The following TLL1 variants were observed in gnomAD, a reference collection of about 807,000 sequenced individuals.
TLL1 encodes tolloid like 1.
In TLL1, 49 loss-of-function variants were observed where a neutral mutation model predicts 128.2. The observed-to-expected ratio is 0.38, with a 90% CI of 0.30 to 0.48. TLL1 has a LOEUF of 0.48. Ranked by LOEUF, TLL1 falls within the 20% of genes least tolerant of loss-of-function variation. The pLI, the probability that TLL1 is intolerant of heterozygous loss-of-function variation, is 0.96. For synonymous variants in TLL1, 454 were observed against 418.8 expected, an observed-to-expected ratio of 1.08 and a Z score of -1.03; for missense variants, 1,123 against 1,242.0, an observed-to-expected ratio of 0.90 and a Z score of 1.44.
chr4:166,041,618 A>T (rs533936750), intron 10 of TLL1, among the ~76,000 whole-genome samples: 1 of 152,142 alleles, frequency 6.6e-6, no homozygotes, highest in African/African-American at 2.4e-5. Context: ...TTCTTAACCA[A>T]GTCATTTCCC....
intron 8 of TLL1, among the ~76,000 whole-genome samples, chr4:166,016,482 C>T (rs1184219863): frequency 6.6e-6 from 1 of 151,918 alleles, no homozygotes. Context: ...AAAAACTAAC[C>T]TTATGATATT....
At chr4:165,923,144 C>G (rs1733110453) in intron 1 of TLL1, among the ~76,000 whole-genome samples, 1 of 152,060 alleles carries the variant, frequency 6.6e-6, no homozygotes, top group Admixed American at 6.6e-5. Flanking sequence ...CATAAATAAA[C>G]AGTACAATCA....
chr4:165,936,016 TA>T (rs1733742570), intron 1 of TLL1, among the ~76,000 whole-genome samples: 1 of 151,764 alleles, frequency 6.6e-6, no homozygotes, highest in African/African-American at 2.4e-5. Flanking sequence ...TGTCTGGTTT[TA>T]ACTTTTTTTT....
intron 18 of TLL1, among the ~76,000 whole-genome samples, chr4:166,089,239 A>G (rs191109204): frequency 9.1e-4 from 139 of 152,272 alleles, no homozygotes; most frequent in African/African-American, 3.2e-3. Flanking sequence ...AAAGAACTCT[A>G]GGTGCGGTTA....
chr4:166,068,829 G>A (rs1740689325), intron 16 of TLL1, among the ~76,000 whole-genome samples: 1 of 151,804 alleles, frequency 6.6e-6, no homozygotes, highest in Admixed American at 6.6e-5. Context: ...AGATGGTTCA[G>A]CGATTCCACA....
intron 1 of TLL1, among the ~76,000 whole-genome samples, chr4:165,953,547 G>A (rs1734630218): frequency 7.2e-6 from 1 of 139,606 alleles, no homozygotes; most frequent in Non-Finnish European, 1.5e-5. Context: ...TAACTGCAGT[G>A]GTATTTCTTT....
chr4:166,042,231 C>T, intron 11 of TLL1, 88 bp downstream of exon 11: 2 of 870,182 alleles, frequency 2.3e-6, no homozygotes, highest in Non-Finnish European at 1.9e-6. Flanking sequence ...GACATTGTGA[C>T]CATATTGTAA....
intron 18 of TLL1, among the ~76,000 whole-genome samples, chr4:166,086,269 C>T (rs1313151479): frequency 1.3e-5 from 2 of 151,962 alleles, no homozygotes; most frequent in Non-Finnish European, 2.9e-5. Context: ...TTTATCGAGA[C>T]TTAGGCATTA....
chr4:165,890,517 A>G (rs1477743492), intron 1 of TLL1, among the ~76,000 whole-genome samples: 1 of 152,232 alleles, frequency 6.6e-6, no homozygotes, highest in African/African-American at 2.4e-5. Flanking sequence ...AATGGGAGAA[A>G]TTAGCCAAAA....
intron 5 of TLL1, among the ~76,000 whole-genome samples, chr4:165,995,955 T>C (rs137894671): frequency 0.011 from 1,609 of 152,246 alleles, 27 homozygotes; most frequent in African/African-American, 0.036. Context: ...AATTTATATT[T>C]ATATAAATTA....
chr4:165,949,558 G>C (rs1478661655), intron 1 of TLL1, among the ~76,000 whole-genome samples: 1 of 152,126 alleles, frequency 6.6e-6, no homozygotes, highest in Admixed American at 6.6e-5. Context: ...ACATACCCGA[G>C]ACTGAGCAAT....
intron 13 of TLL1, among the ~76,000 whole-genome samples, chr4:166,056,292 T>A (rs1400194732): frequency 6.6e-6 from 1 of 152,050 alleles, no homozygotes; most frequent in Non-Finnish European, 1.5e-5. Context: ...GCATAATTTC[T>A]TCAGAGGATG....
intron 1 of TLL1, 122 bp downstream of exon 1, chr4:165,874,195 C>T: frequency 1.7e-6 from 2 of 1,194,630 alleles, no homozygotes; most frequent in Non-Finnish European, 2.5e-6. Context: ...CGCCGCCCCT[C>T]CTTCTCTCCC....
intron 15 of TLL1, among the ~76,000 whole-genome samples, chr4:166,061,008 A>T (rs1283087098): frequency 6.6e-6 from 1 of 152,156 alleles, no homozygotes; most frequent in Admixed American, 6.6e-5. Flanking sequence ...TTAAATGAAC[A>T]TGATTTTTAT....
intron 1 of TLL1, among the ~76,000 whole-genome samples, chr4:165,946,337 T>C (rs28799898): frequency 6.6e-6 from 1 of 151,116 alleles, no homozygotes; most frequent in Non-Finnish European, 1.5e-5. Flanking sequence ...ACTAAATTTG[T>C]CATTCCTTTT....
Position 165,894,015 on chromosome 4 carries a change from A to G in TLL1, c.169+19942A>G, listed in dbSNP as rs545867335. Among the ~76,000 whole-genome samples the G allele has an allele frequency of 1.9e-3, 282 of 152,344 alleles. 1 individual carries two copies. Among genetic ancestry groups the G allele is most frequent in the African/African-American group, 6.3e-3 (264 of 41,582 alleles). On this transcript the variant is annotated intron_variant, in intron 1 of 20. Coordinates refer to ENST00000061240, the MANE Select transcript of TLL1 (RefSeq NM_012464.5). ...ATTTTAAGAGTCAAAAAATCCTGGA[A>G]ACAATGGAAATGTTTATCATTAGAC... is the stretch of plus-strand genomic sequence containing the variant.
intron 1 of TLL1, among the ~76,000 whole-genome samples, chr4:165,885,553 T>A (rs1347917586): frequency 1.3e-5 from 2 of 151,674 alleles, no homozygotes; most frequent in Admixed American, 1.3e-4. Flanking sequence ...TGCCTAAATT[T>A]CCCTCCCTCT....
intron 9 of TLL1, among the ~76,000 whole-genome samples, chr4:166,035,458 C>G (rs1051379498): frequency 6.6e-6 from 1 of 151,944 alleles, no homozygotes; most frequent in Non-Finnish European, 1.5e-5. Context: ...TAAACTCTTG[C>G]GAGTTAATTC....
chr4:166,050,431 T>A (rs1427907217), intron 12 of TLL1, among the ~76,000 whole-genome samples: 1 of 152,230 alleles, frequency 6.6e-6, no homozygotes, highest in Non-Finnish European at 1.5e-5. Context: ...TACAAGACTG[T>A]GCTTTCAATT....
Sources: gnomAD v4.1 joint callset for allele counts (sites outside exome capture counted in the v4.1 genomes callset) on GRCh38, gnomAD v4.1.1 for gene constraint, MANE v1.5 for transcripts, NCBI Gene and HGNC (gene_info 2026-07-23, HGNC 2026-07-21) for gene names.